Variants in COPS2 observed in about 807,000 individuals in gnomAD.
COPS2 encodes COP9 signalosome complex subunit 2.
A neutral mutation model predicts 66.1 loss-of-function variants in COPS2; 10 were observed. That is an observed-to-expected ratio of 0.15 (90% CI 0.09 to 0.26). COPS2 has a LOEUF of 0.26. Among genes scored for constraint, COPS2 ranks in the 10% least tolerant of loss-of-function variants. The probability of loss-of-function intolerance (pLI) is 1.00; values close to 1 mark genes in which losing one functional copy is unlikely to be tolerated. For synonymous variants in COPS2, 179 were observed against 171.3 expected, an observed-to-expected ratio of 1.04 and a Z score of -0.35; for missense variants, 215 against 513.3, an observed-to-expected ratio of 0.42 and a Z score of 5.62.
rs1331702834 is a variant in COPS2 at position 49,125,733 on chromosome 15, A to G, written c.*2217T>C. 1 of 152,136 alleles carries G rather than the reference A, an allele frequency of 6.6e-6. No homozygotes were observed. The highest frequency in any genetic ancestry group is 1.5e-5 in the Non-Finnish European group (1 of 67,956). The allele number at this position is 152,136 out of a possible 1,614,324, so 9.4% of individuals were successfully genotyped here. On this transcript the variant is annotated 3_prime_UTR_variant, in exon 13 of 13. Transcript: ENST00000388901. ...CTAACAGAAAAAAAAGAACGCACCT[A>G]TATCTGGGTAAACAAAGCTATGTAA...
In COPS2 at chr15:49,133,775, T is replaced by A; in HGVS notation, c.931A>T (p.Met311Leu). 1.2e-6 allele frequency: 2 copies of A among 1,602,524 alleles called. No homozygotes were observed. The highest frequency in any genetic ancestry group is 1.7e-6 in the Non-Finnish European group (2 of 1,175,744). ...AAATCTTACCTTACTAAATTCGTCA[T>A]TGCTAAAATTTCTGGATCATTTTTG... ...PYKNDPEILA[M>L]TNLVSAYQNN... Residue 311 changes from methionine (M) to leucine (L), a missense_variant, in exon 9 of 13, where the codon ATG (methionine) becomes TTG (leucine). Physicochemically the swap from Met to Leu is conservative, Grantham distance 15 (BLOSUM62 2). Around this residue, in one of 5 missense-constraint regions of COPS2, gnomAD observed 56 missense variants for 173.6 expected, o/e 0.32. Transcript: ENST00000388901.
chr15:49,127,811 G>C lies in COPS2; in HGVS notation c.*139C>G. On this transcript the variant is annotated 3_prime_UTR_variant, in exon 13 of 13. Coordinates refer to ENST00000388901, the MANE Select transcript of COPS2 (RefSeq NM_004236.4). ...TGCAGCAGCAAAACACAAACCAGTTGATCAAAAAAGCACTTCTGCCATAAC... is the reference window on the plus strand; with the variant it reads ...TGCAGCAGCAAAACACAAACCAGTTCATCAAAAAAGCACTTCTGCCATAAC... 1.1e-6 allele frequency: 1 copy of C among 875,606 alleles called. No homozygotes were observed. The highest frequency in any genetic ancestry group is 2.2e-5 in the South Asian group (1 of 45,722). 54.2% of individuals were successfully genotyped at this position (875,606 alleles called of 1,614,324 possible).
chr15:49,153,439 C>T (rs1195640651), intron 1 of COPS2, among the ~76,000 whole-genome samples: 1 of 152,024 alleles, frequency 6.6e-6, no homozygotes, highest in Non-Finnish European at 1.5e-5. Flanking sequence ...GAAAACAGAA[C>T]TCTTCTACAC....
rs1026389244 is a variant in COPS2 at position 49,130,753 on chromosome 15, G to A, written c.1011C>T (p.Ile337=). The A allele has an allele frequency of 6.9e-6, 11 of 1,604,212 alleles. No individual in the cohort carries two copies. The highest frequency in any genetic ancestry group is 8.5e-6 in the Non-Finnish European group (10 of 1,172,236). ...GTTCTCTTATGAAAGGATCATCCAT[G>A]ATGTTGCTGTGATTTGTTTTTAGAA... ...EKILKTNHSN[I]MDDPFIREHI... The change falls in exon 10 of 13, where the codon ATC becomes ATT. Residue 337 remains isoleucine, a synonymous_variant. Coordinates refer to ENST00000388901, the MANE Select transcript of COPS2 (RefSeq NM_004236.4).
In COPS2 at chr15:49,155,555, G is replaced by T; in HGVS notation, c.24C>A (p.Phe8Leu). The T allele has an allele frequency of 6.2e-7, 1 of 1,614,166 alleles. No individual in the cohort carries two copies. The highest frequency in any genetic ancestry group is 8.5e-7 in the Non-Finnish European group (1 of 1,180,016). Reference sequence around the variant, plus strand: ...CGTAGTCCTCCTCATCATCGCACATGAAATCATCCTCCATGTCAGACATCT... The same window carrying T: ...CGTAGTCCTCCTCATCATCGCACATTAAATCATCCTCCATGTCAGACATCT... MSDMEDD[F>L]MCDDEEDYDL... is the part of the protein sequence containing the mutation. Residue 8 changes from phenylalanine to leucine, a missense_variant, in exon 1 of 13, where the codon TTC becomes TTA. Coordinates refer to ENST00000388901, the MANE Select transcript of COPS2 (RefSeq NM_004236.4).
At position 49,126,248 on chromosome 15, in the gene COPS2, A is replaced by C. The variant is rs974063088; in HGVS notation, c.*1702T>G. The C allele has an allele frequency of 5.9e-5, 9 of 152,592 alleles. No individual in the cohort carries two copies. Among genetic ancestry groups the C allele is most frequent in the African/African-American group, 2.2e-4 (9 of 41,566 alleles). The allele number at this position is 152,592 out of a possible 1,614,324, so 9.5% of individuals were successfully genotyped here. ...CTTTTGTTTTCTTTCCGTTTTCTAC[A>C]ATTTCCAACTTGTACCTGTGTTTAA... On this transcript the variant is annotated 3_prime_UTR_variant, in exon 13 of 13. Coordinates refer to ENST00000388901, the MANE Select transcript of COPS2 (RefSeq NM_004236.4).
intron 4 of COPS2, 199 bp from the exon 5 acceptor site, chr15:49,137,636 C>T (rs867715403): frequency 2.6e-5 from 13 of 503,334 alleles, no homozygotes; most frequent in Middle Eastern, 1.0e-3. Context: ...TACCATGATG[C>T]GTTGTTTTAT....
At position 49,124,310 on chromosome 15, in the gene COPS2, G is replaced by A. The variant is rs758858588; in HGVS notation, c.*3640C>T. On this transcript the variant is annotated 3_prime_UTR_variant, in exon 13 of 13. Transcript: ENST00000388901. ...TCGCTTGAACCCGGGAGGTGGAGGT[G>A]GCAGTGAACTGAGATTGCGCCACTG... 2 of 151,956 alleles carry A rather than the reference G, an allele frequency of 1.3e-5. No homozygotes were observed. Among genetic ancestry groups the A allele is most frequent in the Non-Finnish European group, 2.9e-5 (2 of 68,002 alleles). 9.4% of individuals were successfully genotyped at this position (151,956 alleles called of 1,614,324 possible).
In COPS2 at chr15:49,135,063, A is replaced by T. The variant is rs1024801959; in HGVS notation, c.541-549T>A. On this transcript the variant is annotated intron_variant, in intron 6 of 12. Coordinates refer to ENST00000388901, the MANE Select transcript of COPS2 (RefSeq NM_004236.4). ...AATCAGGTACAGTGAGACATTAACA[A>T]TAACTGATCATAAAATAGAACACAT... Among the ~76,000 whole-genome samples the T allele has an allele frequency of 2.6e-5, 4 of 152,334 alleles. No individual in the cohort carries two copies. In the East Asian group the frequency reaches 7.7e-4, roughly 29 times the overall value.
At chr15:49,129,618 G>C (rs976684018) in intron 10 of COPS2, 59 bp from the exon 11 acceptor site, 3 of 780,386 alleles carry the variant, frequency 3.8e-6, no homozygotes, top group East Asian at 3.0e-5. Context: ...TATCTTTATG[G>C]ATCATTATGT....
chr15:49,132,496 T>C (rs1018473850), intron 9 of COPS2, among the ~76,000 whole-genome samples: 1 of 146,950 alleles, frequency 6.8e-6, no homozygotes, highest in Non-Finnish European at 1.5e-5. Flanking sequence ...ATGTACAGTC[T>C]AATAGTGTTT....
chr15:49,139,118 A>G (rs1233620498), intron 4 of COPS2: 1 of 155,124 alleles, frequency 6.4e-6, no homozygotes, highest in South Asian at 2.0e-4. Flanking sequence ...ACACTAACTG[A>G]TAAGAGCACA....
chr15:49,142,783 C>T (rs868275713), intron 3 of COPS2, among the ~76,000 whole-genome samples: 1 of 152,080 alleles, frequency 6.6e-6, no homozygotes, highest in Admixed American at 6.5e-5. Flanking sequence ...TGTCATAATT[C>T]CAGTTTCTCT....
At position 49,150,860 on chromosome 15, in the gene COPS2, G is replaced by A. The variant is rs202130050; in HGVS notation, c.54+4665C>T. ...TCTGTATAATAAACCCTTGTAATACGAACTTATCTATATAACTAACCTGCA... is the reference window on the plus strand; with the variant it reads ...TCTGTATAATAAACCCTTGTAATACAAACTTATCTATATAACTAACCTGCA... On this transcript the variant is annotated intron_variant, in intron 1 of 12. Transcript: ENST00000388901. Among the ~76,000 whole-genome samples, 16 of 152,080 alleles carry A rather than the reference G, an allele frequency of 1.1e-4. No individual in the cohort carries two copies. The East Asian group carries it at 2.1e-3, about 20-fold the overall frequency.
chr15:49,152,663 A>G (rs914165485), intron 1 of COPS2, among the ~76,000 whole-genome samples: 1 of 152,124 alleles, frequency 6.6e-6, no homozygotes, highest in African/African-American at 2.4e-5. Context: ...CTCTAATAAA[A>G]ACACAAAAAA....
intron 3 of COPS2, among the ~76,000 whole-genome samples, 194 bp downstream of exon 3, chr15:49,144,033 T>C (rs745895721): frequency 6.6e-5 from 10 of 151,236 alleles, no homozygotes; most frequent in Non-Finnish European, 1.0e-4. Flanking sequence ...TTTTCTTAAA[T>C]AGAAAACTTC....
At chr15:49,153,750 T>C (rs937101689) in intron 1 of COPS2, among the ~76,000 whole-genome samples, 2 of 152,126 alleles carry the variant, frequency 1.3e-5, no homozygotes, top group Non-Finnish European at 2.9e-5. Flanking sequence ...GCAACATGGA[T>C]CTGGAGAATT....
chr15:49,124,262 C>T lies in COPS2; in HGVS notation c.*3688G>A, dbSNP rs1412216696. 3.3e-5 allele frequency: 5 copies of T among 152,190 alleles called. No homozygotes were observed. The highest frequency in any genetic ancestry group is 3.3e-4 in the Admixed American group (5 of 15,272). The allele number at this position is 152,190 out of a possible 1,614,324, so 9.4% of individuals were successfully genotyped here. On this transcript the variant is annotated 3_prime_UTR_variant, in exon 13 of 13. Transcript: ENST00000388901. ...TGGCGGGTGTCTGTAATCCCAGCTA[C>T]TCCGGAGATTGAGGCAGGAGAATCG...
At chr15:49,130,022 T>C (rs776201316) in intron 10 of COPS2, among the ~76,000 whole-genome samples, 1 of 152,184 alleles carries the variant, frequency 6.6e-6, no homozygotes, top group Non-Finnish European at 1.5e-5. Flanking sequence ...ACAAAGATTC[T>C]ACGTTTTTCT....
Sources: allele counts gnomAD v4.1 joint callset (sites outside exome capture counted in the v4.1 genomes callset), GRCh38; gene constraint gnomAD v4.1.1; regional missense constraint gnomAD v4.1.1; transcripts MANE v1.5; gene names NCBI Gene and HGNC (gene_info 2026-07-23, HGNC 2026-07-21).